Variants in TASP1 observed in about 807,000 individuals in gnomAD.
TASP1 encodes the protein taspase 1, also known as threonine aspartase 1.
In TASP1, 16 loss-of-function variants were observed where a neutral mutation model predicts 56.6. The observed-to-expected ratio is 0.28, with a 90% CI of 0.19 to 0.43. The LOEUF (loss-of-function observed/expected upper bound fraction) is 0.43. TASP1 is among the 20% of genes least tolerant of loss of function. TASP1 has a pLI of 1.00. For synonymous variants in TASP1, 179 were observed against 184.2 expected, an observed-to-expected ratio of 0.97 and a Z score of 0.23; for missense variants, 393 against 511.6, an observed-to-expected ratio of 0.77 and a Z score of 2.24.
At chr20:13,438,433 G>A (rs1377046444) in intron 11 of TASP1, among the ~76,000 whole-genome samples, 4 of 152,168 alleles carry the variant, frequency 2.6e-5, no homozygotes, top group Non-Finnish European at 5.9e-5. Context: ...AAATGGTGCT[G>A]GGAAAACTGG....
chr20:13,145,143 T>A, the TASP1 span, among the ~76,000 whole-genome samples: 15 of 152,046 alleles, frequency 9.9e-5, no homozygotes, highest in Non-Finnish European at 2.9e-5. Context: ...GAATCACTGA[T>A]TTTGAGGCAA....
chr20:13,303,915 A>G, the TASP1 span, among the ~76,000 whole-genome samples: 1 of 152,280 alleles, frequency 6.6e-6, no homozygotes, highest in South Asian at 2.1e-4. Flanking sequence ...GTAACAAATA[A>G]TCCTCAAAAT....
At chr20:13,442,701 A>G (rs1037684650) in intron 11 of TASP1, among the ~76,000 whole-genome samples, 1 of 151,918 alleles carries the variant, frequency 6.6e-6, no homozygotes, top group Non-Finnish European at 1.5e-5. Context: ...GCACTTTTAC[A>G]TAAGTGCTAT....
rs528815601 is a variant in TASP1, at chr20:13,503,782, CACAA to C, written c.875-20449_875-20446del. Among the ~76,000 whole-genome samples, 44 of 151,770 alleles carry C rather than the reference CACAA, an allele frequency of 2.9e-4. 1 individual carries two copies. Among genetic ancestry groups the C allele is most frequent in the South Asian group, 1.7e-3 (8 of 4,782 alleles). On this transcript the variant is annotated intron_variant, in intron 10 of 13. Transcript: ENST00000337743. ...AAAGATTAAAATCATGCAAAATAAT[CACAA>C]ACAGATTCTGAAAAATACAATCAAT...
At chr20:13,356,854 T>G in the TASP1 span, among the ~76,000 whole-genome samples, 1 of 152,152 alleles carries the variant, frequency 6.6e-6, no homozygotes, top group Non-Finnish European at 1.5e-5. Context: ...CAGTAAGTAA[T>G]AAACCCAGCT....
At chr20:13,279,858 AG>A in the TASP1 span, 1 of 1,613,958 alleles carries the variant, frequency 6.2e-7, no homozygotes, top group Non-Finnish European at 8.5e-7. Flanking sequence ...ATACAGCCCC[AG>A]GCCACCGGAC....
the TASP1 span, among the ~76,000 whole-genome samples, chr20:13,157,403 C>T: frequency 2.6e-5 from 4 of 152,022 alleles, no homozygotes; most frequent in African/African-American, 9.7e-5. Flanking sequence ...TACCACTGCA[C>T]TCCAGCCTGG....
intron 12 of TASP1, among the ~76,000 whole-genome samples, chr20:13,433,092 C>A (rs1568793030): frequency 6.6e-6 from 1 of 152,126 alleles, no homozygotes; most frequent in South Asian, 2.1e-4. Flanking sequence ...CTGTCATCTA[C>A]ATTAAGTATT....
the TASP1 span, among the ~76,000 whole-genome samples, chr20:13,262,425 G>A: frequency 1.3e-5 from 2 of 152,082 alleles, no homozygotes; most frequent in Non-Finnish European, 2.9e-5. Flanking sequence ...CATTTGCAGG[G>A]ATGTTTTAGG....
intron 4 of TASP1, among the ~76,000 whole-genome samples, chr20:13,619,438 G>A (rs2048635780): frequency 6.6e-6 from 1 of 152,074 alleles, no homozygotes; most frequent in Non-Finnish European, 1.5e-5. Flanking sequence ...ACACCAATGT[G>A]CAAAATGAGC....
chr20:13,506,131 A>C (rs1360727571), intron 10 of TASP1, among the ~76,000 whole-genome samples: 1 of 152,188 alleles, frequency 6.6e-6, no homozygotes, highest in East Asian at 1.9e-4. Context: ...ATATGCTAAC[A>C]AATTAGATAA....
intron 11 of TASP1, among the ~76,000 whole-genome samples, chr20:13,445,995 T>C (rs900588232): frequency 3.3e-5 from 5 of 152,290 alleles, no homozygotes; most frequent in Admixed American, 6.5e-5. Context: ...GTGTACATAC[T>C]GAATAAGGTA....
chr20:13,581,137 A>T (rs574016335), intron 5 of TASP1, among the ~76,000 whole-genome samples, 156 bp from the exon 6 acceptor site: 1 of 152,204 alleles, frequency 6.6e-6, no homozygotes, highest in Non-Finnish European at 1.5e-5. Flanking sequence ...CTTAATAACC[A>T]TGAGCAATAA....
At chr20:13,551,393 T>C (rs2045977643) in intron 8 of TASP1, among the ~76,000 whole-genome samples, 1 of 152,094 alleles carries the variant, frequency 6.6e-6, no homozygotes, top group Non-Finnish European at 1.5e-5. Flanking sequence ...TTATGTACAT[T>C]CAACTGTAAA....
intron 4 of TASP1, among the ~76,000 whole-genome samples, chr20:13,592,327 GCAGAGGTTA>G (rs1169391098): frequency 2.6e-5 from 4 of 151,240 alleles, no homozygotes; most frequent in Non-Finnish European, 5.9e-5. Context: ...AAACCAGAAG[GCAGAGGTTA>G]CAGTGAGCCA....
chr20:13,417,358 T>G (rs949527860), intron 13 of TASP1, 90 bp downstream of exon 13: 2 of 1,414,648 alleles, frequency 1.4e-6, no homozygotes, highest in African/African-American at 2.9e-5. Context: ...CAAAAAAAGC[T>G]GAAAAAATTC....
intron 1 of TASP1, among the ~76,000 whole-genome samples, chr20:13,638,348 T>C (rs2049386815): frequency 6.6e-6 from 1 of 151,752 alleles, no homozygotes; most frequent in Non-Finnish European, 1.5e-5. Context: ...CCAGGACATC[T>C]CTAGCTCCTG....
intron 5 of TASP1, among the ~76,000 whole-genome samples, chr20:13,584,478 T>A (rs146867866): frequency 6.6e-6 from 1 of 152,110 alleles, no homozygotes; most frequent in East Asian, 1.9e-4. Flanking sequence ...CACACGAAAT[T>A]TTATTAAATA....
chr20:13,186,377 T>C, the TASP1 span, among the ~76,000 whole-genome samples: 1 of 152,286 alleles, frequency 6.6e-6, no homozygotes, highest in East Asian at 1.9e-4. Context: ...CCAGTCTTCT[T>C]ATTTTACCTA....
Sources: gnomAD v4.1 joint callset for allele counts (sites outside exome capture counted in the v4.1 genomes callset) on GRCh38, gnomAD v4.1.1 for gene constraint, MANE v1.5 for transcripts, NCBI Gene and HGNC (gene_info 2026-07-23, HGNC 2026-07-21) for gene names.